The following ABCA9 variants were observed in gnomAD, a reference collection of about 807,000 sequenced individuals.
ABCA9 encodes the protein ATP binding cassette subfamily A member 9.
ABCA9 carries 183 observed loss-of-function variants against 205.3 expected under a neutral mutation model. The observed-to-expected ratio is 0.89, with a 90% CI of 0.79 to 1.01. The LOEUF (loss-of-function observed/expected upper bound fraction) is 1.01. ABCA9 is among the 50% of genes least tolerant of loss of function. The pLI, the probability that ABCA9 is intolerant of heterozygous loss-of-function variation, is 0.00. For synonymous variants in ABCA9, 651 were observed against 683.3 expected (o/e 0.95, Z 0.74); for missense variants, 1,805 against 1,912.4 (o/e 0.94, Z 1.05).
chr17:69,038,883 A>C (rs1286066278), intron 6 of ABCA9, among the ~76,000 whole-genome samples: 1 of 152,244 alleles, frequency 6.6e-6, no homozygotes, highest in Non-Finnish European at 1.5e-5. Context: ...AGGATACAAA[A>C]TCAATGTGCA....
At chr17:68,998,900 C>A (rs1344722403) in intron 25 of ABCA9, among the ~76,000 whole-genome samples, 2 of 150,740 alleles carry the variant, frequency 1.3e-5, no homozygotes, top group Non-Finnish European at 3.0e-5. Context: ...AATGTGTATT[C>A]TTTTAAAAAA....
chr17:69,005,965 G>A (rs1407988064), intron 25 of ABCA9, among the ~76,000 whole-genome samples: 1 of 152,054 alleles, frequency 6.6e-6, no homozygotes, highest in East Asian at 1.9e-4. Flanking sequence ...TCTGCTATTT[G>A]GGCAGCCATT....
rs138281321 is a variant in ABCA9, at chr17:68,989,256, T to TCTCTCTCACA, written c.3956-139_3956-138insTGTGAGAGAG. On this transcript the variant is annotated intron_variant, in intron 30 of 38. Transcript: ENST00000340001. ...TTTCCCTTATTCCTCTCTCTCTCTC[T>TCTCTCTCACA]CACACACACACACACACACACACAC... 1.9e-3 allele frequency: 470 copies of TCTCTCTCACA among 243,030 alleles called. 2 individuals carry two copies. The highest frequency in any genetic ancestry group is 2.8e-3 in the Non-Finnish European group (340 of 121,102). The allele number at this position is 243,030 out of a possible 1,614,324, so 15.1% of individuals were successfully genotyped here.
chr17:69,045,108 G>T, intron 4 of ABCA9, 64 bp downstream of exon 4: 1 of 1,389,780 alleles, frequency 7.2e-7, no homozygotes, highest in Non-Finnish European at 1.0e-6. Context: ...CTGCTATCAG[G>T]TATGCCCCCT....
At chr17:68,989,230 A>T in intron 30 of ABCA9, 112 bp from the exon 31 acceptor site, 16 of 534,830 alleles carry the variant, frequency 3.0e-5, no homozygotes, top group Non-Finnish European at 4.5e-5. Context: ...TATATATATT[A>T]TTTCCCTTAT....
chr17:69,035,192 G>A (rs2071291070), intron 8 of ABCA9, 54 bp downstream of exon 8: 1 of 1,334,712 alleles, frequency 7.5e-7, no homozygotes, highest in East Asian at 2.6e-5. Flanking sequence ...ATTATTAAGA[G>A]GGAATCTGTG....
At chr17:69,029,288 CAA>C in intron 10 of ABCA9, 61 bp from the exon 11 acceptor site, 1 of 1,087,124 alleles carries the variant, frequency 9.2e-7, no homozygotes, top group Non-Finnish European at 1.3e-6. Flanking sequence ...ATTGATAAGT[CAA>C]GTCTTTGAGG....
At chr17:69,013,706 TGGGTAGTTTGGCC>T (rs1319678420) in intron 22 of ABCA9, among the ~76,000 whole-genome samples, 1 of 150,980 alleles carries the variant, frequency 6.6e-6, no homozygotes, top group Non-Finnish European at 1.5e-5. Context: ...GGATGCCTCC[TGGGTAGTTTGGCC>T]GGGTGATGAC....
At position 69,035,307 on chromosome 17, in the gene ABCA9, G is replaced by T. The variant is rs763267867; in HGVS notation, c.1067C>A (p.Ala356Glu). 3.7e-6 allele frequency: 6 copies of T among 1,607,576 alleles called. No individual in the cohort carries two copies. The East Asian group carries it at 1.1e-4, about 30-fold the overall frequency. The change falls in exon 8 of 39, where the codon GCA becomes GAA. Residue 356 changes from alanine (A) to glutamate (E), a missense_variant. Ala to Glu is a moderately radical substitution (Grantham distance 107). Coordinates refer to ENST00000340001, the MANE Select transcript of ABCA9 (RefSeq NM_080283.4). Reference sequence around the variant, plus strand: ...AAGACACAAAGTCCATTCCAAAAATGCAGGAAGACGTGTATACAATGCTGG... The same window carrying T: ...AAGACACAAAGTCCATTCCAAAAATTCAGGAAGACGTGTATACAATGCTGG... ...GFPALYTRLP[A>E]FLEWTLCLLS...
intron 37 of ABCA9, among the ~76,000 whole-genome samples, chr17:68,981,113 G>A (rs2069037676): frequency 6.6e-6 from 1 of 151,980 alleles, no homozygotes; most frequent in South Asian, 2.1e-4. Context: ...GGGGTGGGTG[G>A]AGGGAAGGGA....
In ABCA9 at chr17:68,975,935, G is replaced by A. The variant is rs745991779; in HGVS notation, c.4855C>T (p.Leu1619Phe). 1.2e-6 allele frequency: 2 copies of A among 1,612,942 alleles called. No individual in the cohort carries two copies. The highest frequency in any genetic ancestry group is 3.3e-5 in the Admixed American group (2 of 59,850). ...DFDPSVKWKLLLQEEP is the reference protein window; with the variant it reads ...DFDPSVKWKLFLQEEP Reference sequence around the variant, plus strand: ...GAGCTTTAAGGCTCTTCCTGCAGGAGGAGTTTCCACTTCACCGAGGGATCA... The same window carrying A: ...GAGCTTTAAGGCTCTTCCTGCAGGAAGAGTTTCCACTTCACCGAGGGATCA... Residue 1619 changes from leucine to phenylalanine, a missense_variant, in exon 39 of 39, where the codon CTC becomes TTC. Transcript: ENST00000340001.
chr17:69,078,803 C>G, the ABCA9 span: 1 of 468,536 alleles, frequency 2.1e-6, no homozygotes, highest in East Asian at 3.4e-5. Context: ...TTGCTATCAC[C>G]CCTATGTTTG....
At chr17:69,030,793 TAA>T (rs1308862767) in intron 10 of ABCA9, among the ~76,000 whole-genome samples, 8 of 152,226 alleles carry the variant, frequency 5.3e-5, no homozygotes, top group African/African-American at 7.2e-5. Flanking sequence ...TGATAGCATT[TAA>T]CTTTCATGTT....
At chr17:69,034,110 G>A (rs919175123) in intron 8 of ABCA9, among the ~76,000 whole-genome samples, 1 of 152,136 alleles carries the variant, frequency 6.6e-6, no homozygotes. Context: ...GGCAGCCCCA[G>A]GTACATTTTC....
chr17:69,042,145 T>C (rs183137924), intron 6 of ABCA9, among the ~76,000 whole-genome samples: 33 of 150,946 alleles, frequency 2.2e-4, no homozygotes, highest in Middle Eastern at 3.4e-3. Context: ...TTGCCATTAA[T>C]TGACAATTCA....
At position 69,013,473 on chromosome 17, in the gene ABCA9, C is replaced by CA. The variant is rs769245085; in HGVS notation, c.3040-1391dup. On this transcript the variant is annotated intron_variant, in intron 22 of 38. Transcript: ENST00000340001. ...GGGGAAAAAAGGGTGCCAAAGACTA[C>CA]ATCCCCCATCTCATATCTTTGCCTG... Among the ~76,000 whole-genome samples, 48 of 152,236 alleles carry CA rather than the reference C, an allele frequency of 3.2e-4. 1 individual carries two copies. Among genetic ancestry groups the CA allele is most frequent in the Admixed American group, 2.2e-3 (33 of 15,284 alleles).
chr17:68,978,606 C>T (rs9895934), intron 37 of ABCA9, among the ~76,000 whole-genome samples: 7,935 of 152,104 alleles, frequency 0.052, 696 homozygotes, highest in African/African-American at 0.18. Flanking sequence ...TGGCTGGTAC[C>T]GGTTGTTCCT....
At chr17:69,056,256 T>C (rs1302927706) in intron 1 of ABCA9, among the ~76,000 whole-genome samples, 1 of 152,080 alleles carries the variant, frequency 6.6e-6, no homozygotes, top group Non-Finnish European at 1.5e-5. Flanking sequence ...ATAAAATCAA[T>C]AGGCCTCTAC....
chr17:68,993,093 T>A lies in ABCA9; in HGVS notation c.3556-9A>T. ...ATGGAATCAGGAGAAATCTGTAAAA[T>A]GAGCAGTAAGTGTATTCAGGTGAAC... On this transcript the variant is annotated splice_polypyrimidine_tract_variant and intron_variant, in intron 26 of 38. Transcript: ENST00000340001. 1.2e-6 allele frequency: 2 copies of A among 1,611,206 alleles called. No individual in the cohort carries two copies. The highest frequency in any genetic ancestry group is 1.7e-6 in the Non-Finnish European group (2 of 1,177,608).
Sources: gnomAD v4.1 joint callset for allele counts (sites outside exome capture counted in the v4.1 genomes callset) on GRCh38, gnomAD v4.1.1 for gene constraint, MANE v1.5 for transcripts, NCBI Gene and HGNC (gene_info 2026-07-23, HGNC 2026-07-21) for gene names.